Variants in PIGU observed in about 807,000 individuals in gnomAD.
PIGU encodes GPI-anchor transamidase component PIGU.
PIGU carries 24 observed loss-of-function variants against 49.9 expected under a neutral mutation model. That is an observed-to-expected ratio of 0.48 (90% CI 0.35 to 0.68). The LOEUF (loss-of-function observed/expected upper bound fraction) is 0.68, where lower values mean the gene tolerates loss of function less well. Ranked by LOEUF, PIGU falls within the 30% of genes least tolerant of loss-of-function variation. The pLI, the probability that PIGU is intolerant of heterozygous loss-of-function variation, is 0.01. For synonymous variants in PIGU, 220 were observed against 205.7 expected (o/e 1.07, Z -0.59); for missense variants, 490 against 532.6 (o/e 0.92, Z 0.79).
chr20:34,576,684 G>T (rs1983247767), intron 10 of PIGU, among the ~76,000 whole-genome samples: 1 of 152,078 alleles, frequency 6.6e-6, no homozygotes, highest in Non-Finnish European at 1.5e-5. Context: ...TGGAGTGGCT[G>T]GATCATATCT....
At chr20:34,645,393 T>A in intron 2 of PIGU, 59 bp from the exon 3 acceptor site, 1 of 1,499,974 alleles carries the variant, frequency 6.7e-7, no homozygotes, top group East Asian at 2.4e-5. Flanking sequence ...ATTATCAGTT[T>A]CCAGAGTAGA....
chr20:34,565,402 G>C (rs1237142730), intron 11 of PIGU, among the ~76,000 whole-genome samples: 1 of 151,812 alleles, frequency 6.6e-6, no homozygotes, highest in Non-Finnish European at 1.5e-5. Flanking sequence ...ACAAGCGTGC[G>C]CCACCACCCC....
intron 7 of PIGU, among the ~76,000 whole-genome samples, chr20:34,611,175 A>C (rs1377802586): frequency 1.3e-5 from 2 of 152,174 alleles, no homozygotes; most frequent in Non-Finnish European, 2.9e-5. Context: ...CACCAAAAGC[A>C]ATTGCAACGA....
intron 7 of PIGU, among the ~76,000 whole-genome samples, chr20:34,602,235 C>A (rs1471271371): frequency 6.7e-6 from 1 of 148,944 alleles, no homozygotes; most frequent in Non-Finnish European, 1.5e-5. Context: ...TGAGCCGAGA[C>A]TGCGCCAGTG....
At chr20:34,593,899 A>G (rs1420711585) in intron 7 of PIGU, among the ~76,000 whole-genome samples, 1 of 152,010 alleles carries the variant, frequency 6.6e-6, no homozygotes, top group Admixed American at 6.6e-5. Flanking sequence ...AAAAAACACC[A>G]GGCATGGTGG....
intron 1 of PIGU, among the ~76,000 whole-genome samples, chr20:34,659,311 GC>G (rs1986849566): frequency 7.1e-6 from 1 of 140,064 alleles, no homozygotes; most frequent in Admixed American, 7.0e-5. Context: ...GGGGGGGTCA[GC>G]CCCCCGCCCG....
At chr20:34,629,678 T>C (rs1416706455) in intron 6 of PIGU, among the ~76,000 whole-genome samples, 1 of 152,256 alleles carries the variant, frequency 6.6e-6, no homozygotes, top group Non-Finnish European at 1.5e-5. Flanking sequence ...TTAACATTTT[T>C]GTGGTACTAG....
chr20:34,588,499 A>G lies in PIGU; in HGVS notation c.736T>C (p.Phe246Leu), dbSNP rs761159421. 7 of 1,613,904 alleles carry G rather than the reference A, an allele frequency of 4.3e-6. No individual in the cohort carries two copies. In the Admixed American group the frequency reaches 1.0e-4, roughly 23 times the overall value. ...ATGAAATCCCAAGAGCTGAGAAGGA[A>G]GAAGGAGAGGCAAATGATTACCACT... ...SLVVIICLSF[F>L]LLSSWDFIPA... Residue 246 changes from phenylalanine (F) to leucine (L), a missense_variant, in exon 8 of 12, where the codon TTC becomes CTC. Transcript: ENST00000217446.
chr20:34,565,708 GACACAC>G lies in PIGU; in HGVS notation c.1195-4735_1195-4730del, dbSNP rs138862528. ...TTCTCTTCCTGCAGCCACCTCTCTG[GACACAC>G]ACACACACACACACACACACAGGTG... On this transcript the variant is annotated intron_variant, in intron 11 of 11. Transcript: ENST00000217446. 3.2e-4 allele frequency among the ~76,000 whole-genome samples: 47 copies of G among 147,090 alleles called. No individual in the cohort carries two copies. The South Asian group carries it at 3.9e-3, about 12-fold the overall frequency.
intron 2 of PIGU, among the ~76,000 whole-genome samples, chr20:34,653,913 A>C (rs1269911945): frequency 6.6e-6 from 1 of 151,396 alleles, no homozygotes; most frequent in Non-Finnish European, 1.5e-5. Flanking sequence ...GCTGGAGTGC[A>C]GTGGCACCAT....
chr20:34,626,029 AAATT>A (rs1302043331), intron 6 of PIGU, among the ~76,000 whole-genome samples: 2 of 150,902 alleles, frequency 1.3e-5, no homozygotes, highest in Non-Finnish European at 3.0e-5. Context: ...ATGTAGTTTA[AAATT>A]ATATTTAAAT....
intron 2 of PIGU, among the ~76,000 whole-genome samples, chr20:34,653,011 C>T (rs1186433561): frequency 1.4e-5 from 2 of 145,118 alleles, no homozygotes; most frequent in African/African-American, 2.6e-5. Flanking sequence ...CTAGGTTTGT[C>T]GCCCAGGTTG....
chr20:34,660,076 T>G (rs1986884778), intron 1 of PIGU, among the ~76,000 whole-genome samples: 1 of 126,162 alleles, frequency 7.9e-6, no homozygotes, highest in Non-Finnish European at 1.7e-5. Context: ...AAAGAACAGC[T>G]TTAAAAAATA....
chr20:34,666,437 T>C (rs1987093029), intron 1 of PIGU, among the ~76,000 whole-genome samples: 1 of 150,458 alleles, frequency 6.6e-6, no homozygotes, highest in South Asian at 2.1e-4. Flanking sequence ...TGGCCAACTA[T>C]TGTAAAATGT....
intron 5 of PIGU, among the ~76,000 whole-genome samples, chr20:34,637,342 C>T (rs750403228): frequency 6.6e-6 from 1 of 152,110 alleles, no homozygotes; most frequent in Non-Finnish European, 1.5e-5. Flanking sequence ...ATGGGAATAA[C>T]CCAAAAGAGT....
chr20:34,580,957 G>A (rs115398808), intron 10 of PIGU, among the ~76,000 whole-genome samples: 2,095 of 152,244 alleles, frequency 0.014, 46 homozygotes, highest in African/African-American at 0.048. Context: ...TGGGTGCAGC[G>A]CTGGGGAATG....
At chr20:34,631,520 C>T (rs572949311) in intron 6 of PIGU, among the ~76,000 whole-genome samples, 54 of 149,276 alleles carry the variant, frequency 3.6e-4, no homozygotes, top group African/African-American at 6.8e-4. Context: ...AATTTCAAAA[C>T]GCTCAGGATA....
intron 7 of PIGU, 110 bp downstream of exon 7, chr20:34,615,932 G>A: frequency 1.4e-6 from 2 of 1,420,066 alleles, no homozygotes; most frequent in Non-Finnish European, 1.8e-6. Context: ...TCAACTGGGA[G>A]CAAGCTTCCC....
chr20:34,586,764 C>A (rs563438884), intron 8 of PIGU, among the ~76,000 whole-genome samples: 2 of 152,150 alleles, frequency 1.3e-5, no homozygotes, highest in African/African-American at 4.8e-5. Flanking sequence ...CAAGGTTTGA[C>A]GTGTGGCAGG....
Sources: allele counts gnomAD v4.1 joint callset (sites outside exome capture counted in the v4.1 genomes callset), GRCh38; gene constraint gnomAD v4.1.1; transcripts MANE v1.5; gene names NCBI Gene and HGNC (gene_info 2026-07-23, HGNC 2026-07-21).